ZNF143: variants seen among roughly 807,000 people sequenced by gnomAD.
The protein encoded by ZNF143 is SPH-binding factor.
In ZNF143, 49 loss-of-function variants were observed where a neutral mutation model predicts 74.1. The observed-to-expected ratio is 0.66, with a 90% confidence interval of 0.53 to 0.84. The LOEUF is 0.84. ZNF143 is among the 40% of genes least tolerant of loss of function. ZNF143 has a pLI of 0.00. For synonymous variants in ZNF143, 304 were observed against 282.8 expected (o/e 1.07, Z -0.75); for missense variants, 637 against 793.4 (o/e 0.80, Z 2.37).
intron 1 of ZNF143, among the ~76,000 whole-genome samples, chr11:9,464,218 A>G (rs1040967419): frequency 2.6e-5 from 4 of 151,792 alleles, no homozygotes; most frequent in African/African-American, 7.3e-5. Flanking sequence ...TGCAGCCTCA[A>G]CCTCCCTGGC....
At chr11:9,518,693 G>A (rs1445348112) in intron 14 of ZNF143, among the ~76,000 whole-genome samples, 1 of 147,408 alleles carries the variant, frequency 6.8e-6, no homozygotes, top group Non-Finnish European at 1.5e-5. Flanking sequence ...CTCCAGCCTA[G>A]GCAAAAAGAG....
chr11:9,472,696 T>C lies in ZNF143; in HGVS notation c.132T>C (p.Asn44=), dbSNP rs745940975. Residue 44 remains asparagine, a synonymous_variant, in exon 3 of 16, where the codon AAT becomes AAC. Transcript: ENST00000396602. ...TAATAGATGGTGACAACTTAGAAAA[T>C]ATGGAAGGCGTAAGCTTGCAAGCAG... ...VTVADGDNLE[N]MEGVSLQAVT... is the part of the protein sequence containing the mutation. 5 of 1,610,480 alleles carry C rather than the reference T, an allele frequency of 3.1e-6. No homozygotes were observed. The East Asian group carries it at 6.7e-5, about 22-fold the overall frequency.
chr11:9,478,412 A>G lies in ZNF143; in HGVS notation c.396A>G (p.Leu132=). ...TSKDSYDQSA[L]QAVQLEDGTT... ...CAGATAGTTATGACCAGAGTGCATTACAGGCGGTTCAGCTGGAAGATGGTA... is the reference window on the plus strand; with the variant it reads ...CAGATAGTTATGACCAGAGTGCATTGCAGGCGGTTCAGCTGGAAGATGGTA... Residue 132 remains leucine, a synonymous_variant, in exon 6 of 16, where the codon TTA becomes TTG. Transcript: ENST00000396602. The G allele has an allele frequency of 6.2e-7, 1 of 1,614,094 alleles. No individual in the cohort carries two copies. The highest frequency in any genetic ancestry group is 1.1e-5 in the South Asian group (1 of 91,082).
At chr11:9,505,651 G>A (rs1848336492) in intron 11 of ZNF143, among the ~76,000 whole-genome samples, 1 of 151,882 alleles carries the variant, frequency 6.6e-6, no homozygotes, top group South Asian at 2.1e-4. Flanking sequence ...GAAGGTCAAG[G>A]TGAGCAGATC....
chr11:9,494,300 A>C (rs763199355), intron 7 of ZNF143, among the ~76,000 whole-genome samples: 6 of 152,094 alleles, frequency 3.9e-5, no homozygotes, highest in Non-Finnish European at 7.4e-5. Context: ...TTATTTCTGT[A>C]TTATTGATTG....
At chr11:9,523,530 G>A (rs918293313) in intron 14 of ZNF143, among the ~76,000 whole-genome samples, 5 of 150,486 alleles carry the variant, frequency 3.3e-5, no homozygotes, top group South Asian at 2.1e-4. Flanking sequence ...TCAGGAGATC[G>A]AGACCATCCT....
rs116339954 is a variant in ZNF143, at chr11:9,519,911, C to T, written c.1686+3549C>T. 7.4e-3 allele frequency among the ~76,000 whole-genome samples: 1,124 copies of T among 151,648 alleles called. 14 individuals carry two copies. The highest frequency in any genetic ancestry group is 0.026 in the African/African-American group (1,061 of 41,310). ...AAACGTTTTTAAAAAATAGGCTGGG[C>T]GCAGTGGCTCACACCTGTAATCCCA... On this transcript the variant is annotated intron_variant, in intron 14 of 15. Transcript: ENST00000396602.
At chr11:9,476,642 G>GATTACAGGCATGAGCC (rs1404016979) in intron 5 of ZNF143, among the ~76,000 whole-genome samples, 1 of 151,186 alleles carries the variant, frequency 6.6e-6, no homozygotes, top group African/African-American at 2.4e-5. Context: ...AAAGTGCTGG[G>GATTACAGGCATGAGCC]ATTACAGGCA....
At chr11:9,469,923 G>A (rs191845876) in intron 1 of ZNF143, among the ~76,000 whole-genome samples, 1 of 152,202 alleles carries the variant, frequency 6.6e-6, no homozygotes, top group East Asian at 1.9e-4. Context: ...TCTAATGAAG[G>A]TACAGTTTAT....
intron 1 of ZNF143, among the ~76,000 whole-genome samples, chr11:9,467,230 G>A (rs1258927393): frequency 9.9e-6 from 1 of 101,438 alleles, no homozygotes; most frequent in African/African-American, 3.7e-5. Flanking sequence ...GGATGAAAAA[G>A]GAAAGTGTTT....
intron 1 of ZNF143, among the ~76,000 whole-genome samples, chr11:9,466,889 T>G (rs1565018906): frequency 6.9e-6 from 1 of 145,842 alleles, no homozygotes; most frequent in Non-Finnish European, 1.5e-5. Flanking sequence ...GGTTTTTTTT[T>G]GTGTGTGTGT....
chr11:9,471,481 AT>A, intron 2 of ZNF143, 61 bp downstream of exon 2: 1 of 1,256,498 alleles, frequency 8.0e-7, no homozygotes, highest in Non-Finnish European at 1.1e-6. Flanking sequence ...AAGAAAAAAA[AT>A]TTACAACTTC....
In ZNF143 at chr11:9,492,105, A is replaced by ATTT. The variant is rs34432476; in HGVS notation, c.646-2520_646-2518dup. 3.6e-3 allele frequency among the ~76,000 whole-genome samples: 362 copies of ATTT among 100,140 alleles called. 4 individuals are homozygous for ATTT. The highest frequency in any genetic ancestry group is 5.3e-3 in the Non-Finnish European group (272 of 51,464). 65.7% of individuals were successfully genotyped at this position (100,140 alleles called of 152,430 possible). A position where few individuals can be genotyped will look rare whatever the true frequency, so the allele number is the denominator to read the frequency against. On this transcript the variant is annotated intron_variant, in intron 7 of 15. Transcript: ENST00000396602. ...AGGCATTCGCCACCACACCTGGCTA[A>ATTT]TTTTTTTTTTTTTTTTTTTTTTTGA... is the stretch of plus-strand genomic sequence containing the variant.
In ZNF143 at chr11:9,478,380, A is replaced by G; in HGVS notation, c.374-10A>G. The G allele has an allele frequency of 6.3e-7, 1 of 1,597,330 alleles. No homozygotes were observed. The highest frequency in any genetic ancestry group is 8.6e-7 in the Non-Finnish European group (1 of 1,166,120). ...CTTTAATTTAATGGCATTCTCTTCCACTCTCTCAGATAGTTATGACCAGAG... is the reference window on the plus strand; with the variant it reads ...CTTTAATTTAATGGCATTCTCTTCCGCTCTCTCAGATAGTTATGACCAGAG... On this transcript the variant is annotated splice_polypyrimidine_tract_variant and intron_variant, in intron 5 of 15. Coordinates refer to ENST00000396602, the MANE Select transcript of ZNF143 (RefSeq NM_003442.6).
chr11:9,485,027 G>T (rs1847412978), intron 7 of ZNF143, among the ~76,000 whole-genome samples: 1 of 147,470 alleles, frequency 6.8e-6, no homozygotes, highest in Admixed American at 6.7e-5. Context: ...TCCATCTCCT[G>T]ACCTCGTGAT....
intron 10 of ZNF143, among the ~76,000 whole-genome samples, chr11:9,498,687 C>T (rs1235825412): frequency 6.6e-6 from 1 of 152,150 alleles, no homozygotes; most frequent in Non-Finnish European, 1.5e-5. Flanking sequence ...AAAAGTTCAG[C>T]AGCTGTTGAT....
chr11:9,485,127 TG>T (rs1409370054), intron 7 of ZNF143, among the ~76,000 whole-genome samples: 2 of 150,842 alleles, frequency 1.3e-5, no homozygotes, highest in Non-Finnish European at 2.9e-5. Context: ...ATATTTTTAG[TG>T]TTTTTTTTAA....
chr11:9,502,971 T>C (rs1381100777), intron 11 of ZNF143, among the ~76,000 whole-genome samples: 1 of 152,002 alleles, frequency 6.6e-6, no homozygotes, highest in Non-Finnish European at 1.5e-5. Flanking sequence ...GCTGGGACTA[T>C]AGGCGCCTGC....
chr11:9,466,045 A>G (rs1343927169), intron 1 of ZNF143, among the ~76,000 whole-genome samples: 1 of 146,018 alleles, frequency 6.8e-6, no homozygotes, highest in Non-Finnish European at 1.5e-5. Flanking sequence ...TGCAGTGGCT[A>G]GATCTCGGCT....
Sources: allele counts gnomAD v4.1 joint callset (sites outside exome capture counted in the v4.1 genomes callset), GRCh38; gene constraint gnomAD v4.1.1; transcripts MANE v1.5; gene names NCBI Gene and HGNC (gene_info 2026-07-23, HGNC 2026-07-21).